The following ALDH1A3 variants were observed in gnomAD, a reference collection of about 807,000 sequenced individuals.
The protein encoded by ALDH1A3 is aldehyde dehydrogenase 1 family member A3.
A neutral mutation model predicts 57.5 loss-of-function variants in ALDH1A3; 28 were observed. The observed-to-expected ratio is 0.49, with a 90% confidence interval of 0.36 to 0.67. The LOEUF (loss-of-function observed/expected upper bound fraction) is 0.67, where lower values mean the gene tolerates loss of function less well. Among genes scored for constraint, ALDH1A3 ranks in the 30% least tolerant of loss-of-function variants. ALDH1A3 has a pLI of 0.00. For missense variants in ALDH1A3, 507 were observed against 669.4 expected, an observed-to-expected ratio of 0.76 and a Z score of 2.68; for synonymous variants, 281 against 264.8, an observed-to-expected ratio of 1.06 and a Z score of -0.59.
At position 100,914,984 on chromosome 15, in the gene ALDH1A3, T is replaced by C; in HGVS notation, c.*211T>C. On this transcript the variant is annotated 3_prime_UTR_variant, in exon 13 of 13. Coordinates refer to ENST00000329841, the MANE Select transcript of ALDH1A3 (RefSeq NM_000693.4). ...CTATAGGTTGTCTGTGAAATCGCAG[T>C]CCTGCCTGGGGAGGGAGCTGTTGGC... is the stretch of plus-strand genomic sequence containing the variant. 1.8e-6 allele frequency: 1 copy of C among 567,992 alleles called. No individual in the cohort carries two copies. The highest frequency in any genetic ancestry group is 3.1e-6 in the Non-Finnish European group (1 of 318,504). The allele number at this position is 567,992 out of a possible 1,614,324, so 35.2% of individuals were successfully genotyped here. A position where few individuals can be genotyped will look rare whatever the true frequency, so the allele number is the denominator to read the frequency against.
chr15:100,907,214 G>A lies in ALDH1A3; in HGVS notation c.1327G>A (p.Val443Met), dbSNP rs1421683292. 1.9e-6 allele frequency: 3 copies of A among 1,614,028 alleles called. No homozygotes were observed. The African/African-American group carries it at 4.0e-5, about 22-fold the overall frequency. Residue 443 changes from valine (V) to methionine (M), a missense_variant, in exon 11 of 13, where the codon GTG becomes ATG. By Grantham distance (21) the Val-to-Met change is conservative (BLOSUM62 1). Around this residue, in one of 2 missense-constraint regions of ALDH1A3, gnomAD observed 432 missense variants for 608.4 expected, o/e 0.71. Transcript: ENST00000329841. ...CACCGACTATGGACTCACAGCAGCC[G>A]TGTTCACAAAAAATCTCGACAAAGC... ...NSTDYGLTAA[V>M]FTKNLDKALK...
At chr15:100,911,644 A>C (rs1199129202) in intron 12 of ALDH1A3, among the ~76,000 whole-genome samples, 1 of 152,226 alleles carries the variant, frequency 6.6e-6, no homozygotes, top group Non-Finnish European at 1.5e-5. Flanking sequence ...GTGAGGTTTA[A>C]CAGGAGTAAG....
chr15:100,909,868 G>C (rs1465019382), intron 12 of ALDH1A3, among the ~76,000 whole-genome samples: 1 of 152,212 alleles, frequency 6.6e-6, no homozygotes, highest in Non-Finnish European at 1.5e-5. Context: ...CAACACCCCA[G>C]GTTCCTGGGA....
intron 8 of ALDH1A3, among the ~76,000 whole-genome samples, chr15:100,899,708 A>G (rs1291436832): frequency 6.6e-6 from 1 of 152,030 alleles, no homozygotes; most frequent in East Asian, 1.9e-4. Flanking sequence ...GCAGAGAGGT[A>G]CCCCCAAACC....
intron 12 of ALDH1A3, chr15:100,914,242 A>G (rs1254620213): frequency 1.3e-5 from 2 of 155,014 alleles, no homozygotes; most frequent in African/African-American, 4.8e-5. Flanking sequence ...TCCCCAGCCA[A>G]TAGCTTTGGG....
intron 6 of ALDH1A3, chr15:100,895,287 T>TA (rs1005337567): frequency 0.014 from 2,014 of 142,838 alleles, 28 homozygotes; most frequent in African/African-American, 0.047. Context: ...CATCTCTACT[T>TA]AAAAAAAAAA....
rs1391029004 is a variant in ALDH1A3 at position 100,887,434 on chromosome 15, A to T, written c.205-138A>T. On this transcript the variant is annotated intron_variant, in intron 2 of 12. Transcript: ENST00000329841. The surrounding 1 kb of genome is among the most constrained non-coding windows in gnomAD (Gnocchi z 4.6). ...CTTCAAAAGATGACACCCAAACTGC[A>T]GTCACGTCAAAAGATGACACCCAAA... 12 of 987,564 alleles carry T rather than the reference A, an allele frequency of 1.2e-5. No individual in the cohort carries two copies. Among genetic ancestry groups the T allele is most frequent in the Non-Finnish European group, 1.7e-5 (12 of 687,744 alleles). The allele number at this position is 987,564 out of a possible 1,614,324, so 61.2% of individuals were successfully genotyped here. A position where few individuals can be genotyped will look rare whatever the true frequency, so the allele number is the denominator to read the frequency against.
chr15:100,907,571 T>C (rs1003145067), intron 11 of ALDH1A3, among the ~76,000 whole-genome samples: 2 of 152,214 alleles, frequency 1.3e-5, no homozygotes, highest in Non-Finnish European at 2.9e-5. Context: ...TGTGCTGTAC[T>C]GCCCCTCCAA....
chr15:100,910,111 A>T (rs993892481), intron 12 of ALDH1A3, among the ~76,000 whole-genome samples: 3 of 152,174 alleles, frequency 2.0e-5, no homozygotes, highest in African/African-American at 7.2e-5. Flanking sequence ...TCTATGTGGA[A>T]TTGGGGTCCT....
intron 2 of ALDH1A3, among the ~76,000 whole-genome samples, 154 bp downstream of exon 2, chr15:100,885,525 T>C (rs974788322): frequency 3.9e-5 from 6 of 152,200 alleles, no homozygotes; most frequent in African/African-American, 1.4e-4. Context: ...CTCAGACGTG[T>C]GGCACAGAAT....
chr15:100,883,360 C>A (rs965562552), intron 1 of ALDH1A3, among the ~76,000 whole-genome samples: 2 of 152,232 alleles, frequency 1.3e-5, no homozygotes, highest in Non-Finnish European at 2.9e-5. Flanking sequence ...TGCTGGATGG[C>A]AAAAGTGAAC....
At position 100,887,554 on chromosome 15, in the gene ALDH1A3, G is replaced by C; in HGVS notation, c.205-18G>C. The C allele has an allele frequency of 6.4e-7, 1 of 1,563,390 alleles. No individual in the cohort carries two copies. Among genetic ancestry groups the C allele is most frequent in the Non-Finnish European group, 8.7e-7 (1 of 1,152,012 alleles). On this transcript the variant is annotated intron_variant, in intron 2 of 12. Transcript: ENST00000329841. This position sits in a 1 kb window ranked among gnomAD's most constrained non-coding sequence, Gnocchi z 4.6. ...CGTCAAAAGATGACAGTCTCTCTCT[G>C]TTGTTCTGGTCGCTCAGCCCGACGT...
At chr15:100,905,920 G>A (rs989199238) in intron 10 of ALDH1A3, among the ~76,000 whole-genome samples, 1 of 152,112 alleles carries the variant, frequency 6.6e-6, no homozygotes, top group African/African-American at 2.4e-5. Context: ...CAGGTACCTT[G>A]TTTGTTCTAG....
chr15:100,909,285 TGTGTGCAAACTCCTCA>T (rs1024249319), intron 12 of ALDH1A3, among the ~76,000 whole-genome samples: 1 of 114,732 alleles, frequency 8.7e-6, no homozygotes, highest in African/African-American at 3.5e-5. Context: ...CCTCCACATG[TGTGTGCAAACTCCTCA>T]GTGTGTGAAC....
At chr15:100,899,697 T>C (rs576235255) in intron 8 of ALDH1A3, among the ~76,000 whole-genome samples, 80 of 152,140 alleles carry the variant, frequency 5.3e-4, no homozygotes, top group Non-Finnish European at 1.0e-3. Context: ...GGGTCAAGGG[T>C]GCAGAGAGGT....
chr15:100,887,728 T>A lies in ALDH1A3; in HGVS notation c.345+16T>A. The A allele has an allele frequency of 6.4e-7, 1 of 1,562,022 alleles. No individual in the cohort carries two copies. The highest frequency in any genetic ancestry group is 8.7e-7 in the Non-Finnish European group (1 of 1,149,842). ...CACCTTGGCCGTGAGTACATGCACT[T>A]GGGGGCCGGTGGGGGATGAGCCAGC... On this transcript the variant is annotated intron_variant, in intron 3 of 12. Transcript: ENST00000329841. The surrounding 1 kb of genome is among the most constrained non-coding windows in gnomAD (Gnocchi z 4.6).
At chr15:100,884,091 G>A (rs2041571532) in intron 1 of ALDH1A3, among the ~76,000 whole-genome samples, 2 of 152,212 alleles carry the variant, frequency 1.3e-5, no homozygotes, top group East Asian at 1.9e-4. Context: ...AGCCATTTCT[G>A]CCACGGGGGT....
intron 1 of ALDH1A3, 90 bp downstream of exon 1, chr15:100,880,096 C>CG (rs1567166088): frequency 3.0e-6 from 3 of 992,864 alleles, no homozygotes; most frequent in Admixed American, 8.7e-5. Flanking sequence ...AGCAGCGGGC[C>CG]GGGGGTCCGC....
In ALDH1A3 at chr15:100,893,136, A is replaced by AATTTCTGGTG; in HGVS notation, c.537+130_537+131insATTTCTGGTG. The AATTTCTGGTG allele has an allele frequency of 1.3e-6, 1 of 764,906 alleles. No individual in the cohort carries two copies. The highest frequency in any genetic ancestry group is 2.1e-6 in the Non-Finnish European group (1 of 485,820). 47.4% of individuals were successfully genotyped at this position (764,906 alleles called of 1,614,324 possible). A position where few individuals can be genotyped will look rare whatever the true frequency, so the allele number is the denominator to read the frequency against. ...GTTGAACAAGCATTTTCTTCGTGGC[A>AATTTCTGGTG]TGGAACTCCATGCTTGGGGGCTCTT... On this transcript the variant is annotated intron_variant, in intron 5 of 12. Transcript: ENST00000329841. This position sits in a 1 kb window ranked among gnomAD's most constrained non-coding sequence, Gnocchi z 4.8.
Sources: gnomAD v4.1 joint callset for allele counts (sites outside exome capture counted in the v4.1 genomes callset) on GRCh38, gnomAD v4.1.1 for gene constraint, gnomAD v4.1.1 regional missense constraint, Gnocchi (gnomAD v3.1) non-coding constraint, MANE v1.5 for transcripts, NCBI Gene and HGNC (gene_info 2026-07-23, HGNC 2026-07-21) for gene names.